Variants in MPRIP observed in about 807,000 individuals in gnomAD.
MPRIP encodes the protein myosin phosphatase Rho interacting protein.
A neutral mutation model predicts 234.9 loss-of-function variants in MPRIP; 59 were observed. The observed-to-expected ratio is 0.25, with a 90% CI of 0.20 to 0.31. MPRIP has a LOEUF of 0.31. Ranked by LOEUF, MPRIP falls within the 10% of genes least tolerant of loss-of-function variation. The pLI is 1.00. For missense variants in MPRIP, 2,436 were observed against 3,071.0 expected (o/e 0.79, Z 4.89); for synonymous variants, 1,144 against 1,263.9 (o/e 0.91, Z 2.01).
intron 16 of MPRIP, chr17:17,168,267 G>T (rs1247693568): frequency 1.1e-5 from 3 of 277,598 alleles, no homozygotes; most frequent in African/African-American, 4.4e-5. Context: ...TCCTGCCCCT[G>T]CCCCGGGAAC....
At chr17:17,052,460 C>T (rs1250110551) in intron 1 of MPRIP, among the ~76,000 whole-genome samples, 1 of 152,134 alleles carries the variant, frequency 6.6e-6, no homozygotes, top group Non-Finnish European at 1.5e-5. Context: ...GAGGGATTGT[C>T]TTCAATTAGC....
intron 21 of MPRIP, 93 bp downstream of exon 21, chr17:17,176,605 T>C (rs1449214435): frequency 1.0e-6 from 1 of 971,062 alleles, no homozygotes; most frequent in African/African-American, 1.6e-5. Context: ...GCGCGGGCTC[T>C]TCTGAAGCAG....
intron 17 of MPRIP, 105 bp downstream of exon 17, chr17:17,171,970 G>T: frequency 1.5e-6 from 2 of 1,291,452 alleles, no homozygotes; most frequent in Admixed American, 2.8e-5. Context: ...TTTTGGCTGA[G>T]ATGTAAACTT....
chr17:17,105,698 GT>G (rs1292239418), intron 3 of MPRIP, among the ~76,000 whole-genome samples: 24 of 152,180 alleles, frequency 1.6e-4, no homozygotes, highest in Non-Finnish European at 2.6e-4. Context: ...AGTGAGGGCT[GT>G]TCCCTGGAAA....
chr17:17,045,611 C>T (rs2088321419), intron 1 of MPRIP, among the ~76,000 whole-genome samples: 1 of 152,182 alleles, frequency 6.6e-6, no homozygotes, highest in Non-Finnish European at 1.5e-5. Flanking sequence ...AGTTATGTTG[C>T]AGGAGGTGCC....
At chr17:17,159,029 C>T (rs1567760124) in intron 14 of MPRIP, 27 bp downstream of exon 14, 5 of 1,583,626 alleles carry the variant, frequency 3.2e-6, no homozygotes, top group Non-Finnish European at 3.4e-6. Flanking sequence ...AGATCCCCAC[C>T]CTGCTCCCAG....
chr17:17,138,342 A>C lies in MPRIP; in HGVS notation c.1163A>C (p.Gln388Pro), dbSNP rs975972140. Residue 388 changes from glutamine to proline, a missense_variant, in exon 7 of 24, where the codon CAG becomes CCG. Gln to Pro is a moderately conservative substitution (Grantham distance 76). Around this residue, in one of 4 missense-constraint regions of MPRIP, gnomAD observed 267 missense variants for 252.7 expected, o/e 1.06. Coordinates refer to ENST00000651222, the MANE Select transcript of MPRIP (RefSeq NM_001364716.4). The surrounding 1 kb of genome is among the most constrained non-coding windows in gnomAD (Gnocchi z 5.8). ...AIRISHREAF[Q>P]VERRRLERRT... ...AGGATCAGCCACCGAGAAGCCTTCC[A>C]GGTGGAGAGAAGGCGGCTGGAGCGT... The C allele has an allele frequency of 1.3e-4, 49 of 366,022 alleles. No homozygotes were observed. Among genetic ancestry groups the C allele is most frequent in the Non-Finnish European group, 1.9e-4 (38 of 204,866 alleles). 22.7% of individuals were successfully genotyped at this position (366,022 alleles called of 1,614,324 possible). A position where few individuals can be genotyped will look rare whatever the true frequency, so the allele number is the denominator to read the frequency against.
At chr17:17,146,169 G>T (rs972826362) in intron 10 of MPRIP, 77 bp downstream of exon 10, 8 of 1,349,052 alleles carry the variant, frequency 5.9e-6, no homozygotes, top group Non-Finnish European at 6.3e-6. Context: ...TCCCCAGCCA[G>T]TCTGCAAGTG....
intron 2 of MPRIP, 181 bp downstream of exon 2, chr17:17,075,968 A>G: frequency 5.1e-6 from 3 of 586,716 alleles, no homozygotes; most frequent in East Asian, 5.7e-5. Context: ...AATTATACAT[A>G]GTTGTGTGTA....
At chr17:17,057,556 T>C (rs950640856) in intron 1 of MPRIP, 10 of 715,936 alleles carry the variant, frequency 1.4e-5, no homozygotes, top group African/African-American at 7.0e-5. Context: ...CCAGAGGACC[T>C]TGGGGTCAGC....
In MPRIP at chr17:17,165,763, A is replaced by C; in HGVS notation, c.4172A>C (p.Tyr1391Ser). Reference protein sequence around the residue: ...SIIHSLETKLYVTEEKLKDVT... With the variant: ...SIIHSLETKLSVTEEKLKDVT... ...ATCCACTCCCTGGAGACCAAGCTCT[A>C]CGTCACAGAGGAAAAGCTCAAAGAC... The change falls in exon 16 of 24, where the codon TAC (tyrosine) becomes TCC (serine). Residue 1391 changes from tyrosine to serine, a missense_variant. By Grantham distance (144) the Tyr-to-Ser change is moderately radical. Coordinates refer to ENST00000651222, the MANE Select transcript of MPRIP (RefSeq NM_001364716.4). The C allele has an allele frequency of 7.7e-7, 1 of 1,304,760 alleles. No homozygotes were observed. Among genetic ancestry groups the C allele is most frequent in the Non-Finnish European group, 1.0e-6 (1 of 988,962 alleles). 80.8% of individuals were successfully genotyped at this position (1,304,760 alleles called of 1,614,324 possible).
chr17:17,093,521 C>G (rs919853430), intron 3 of MPRIP, among the ~76,000 whole-genome samples: 2 of 152,168 alleles, frequency 1.3e-5, no homozygotes, highest in African/African-American at 4.8e-5. Flanking sequence ...TTACCCATTT[C>G]TCTCCCTATC....
At chr17:17,159,066 C>G in intron 14 of MPRIP, 64 bp downstream of exon 14, 1 of 1,502,154 alleles carries the variant, frequency 6.7e-7, no homozygotes, top group East Asian at 2.4e-5. Context: ...TCAGCTGTGC[C>G]CAGCTGTGGC....
At chr17:17,136,475 T>G (rs2090702040) in intron 6 of MPRIP, 25 bp downstream of exon 6, 1 of 1,593,674 alleles carries the variant, frequency 6.3e-7, no homozygotes, top group African/African-American at 1.3e-5. Flanking sequence ...GGCTGGCTTG[T>G]ATGCACGGGA....
chr17:17,067,790 C>CTTTTTTTTTTTTTTTTTT (rs35187618), intron 1 of MPRIP, among the ~76,000 whole-genome samples: 1 of 76,744 alleles, frequency 1.3e-5, no homozygotes, highest in African/African-American at 4.6e-5. Flanking sequence ...CTTCTTCTTC[C>CTTTTTTTTTTTTTTTTTT]TTTTTTTTTT....
intron 16 of MPRIP, chr17:17,169,009 G>T: frequency 2.2e-6 from 1 of 456,902 alleles, no homozygotes. Flanking sequence ...TCTGTGTGAC[G>T]GACTCGGCCC....
At chr17:17,111,934 C>T (rs1240747237) in intron 3 of MPRIP, among the ~76,000 whole-genome samples, 3 of 152,096 alleles carry the variant, frequency 2.0e-5, no homozygotes, top group Non-Finnish European at 4.4e-5. Flanking sequence ...TTAGCTTGCC[C>T]GACTGCTTGG....
intron 12 of MPRIP, among the ~76,000 whole-genome samples, chr17:17,151,391 T>C (rs2045599245): frequency 6.6e-6 from 1 of 152,128 alleles, no homozygotes; most frequent in African/African-American, 2.4e-5. Context: ...TCTGCATCCT[T>C]GGGGACACGG....
intron 3 of MPRIP, among the ~76,000 whole-genome samples, chr17:17,124,207 G>C (rs2090448832): frequency 6.6e-6 from 1 of 152,192 alleles, no homozygotes; most frequent in Non-Finnish European, 1.5e-5. Context: ...TGTTCAGCTG[G>C]GGGCCAAGTG....
Sources: allele counts gnomAD v4.1 joint callset (sites outside exome capture counted in the v4.1 genomes callset), GRCh38; gene constraint gnomAD v4.1.1; regional missense constraint gnomAD v4.1.1; non-coding constraint Gnocchi (gnomAD v3.1); transcripts MANE v1.5; gene names NCBI Gene and HGNC (gene_info 2026-07-23, HGNC 2026-07-21).